The following SH3D19 variants were observed in gnomAD, a reference collection of about 807,000 sequenced individuals.
The protein encoded by SH3D19 is SH3 domain-containing protein 19.
SH3D19 carries 58 observed loss-of-function variants against 112.1 expected under a neutral mutation model. The ratio of observed to expected loss-of-function variants is 0.52; its 90% CI spans 0.42 to 0.64. SH3D19 has a LOEUF of 0.64. Among genes scored for constraint, SH3D19 ranks in the 30% least tolerant of loss-of-function variants. SH3D19 has a pLI of 0.00. For synonymous variants in SH3D19, 391 were observed against 448.5 expected (o/e 0.87, Z 1.62); for missense variants, 1,090 against 1,263.4 (o/e 0.86, Z 2.08).
chr4:151,314,103 G>A (rs1580471929), intron 1 of SH3D19, among the ~76,000 whole-genome samples: 1 of 152,110 alleles, frequency 6.6e-6, no homozygotes, highest in Admixed American at 6.6e-5. Flanking sequence ...TATAATGAAG[G>A]CAGCCATATT....
intron 1 of SH3D19, among the ~76,000 whole-genome samples, chr4:151,251,707 T>G (rs572142993): frequency 2.6e-5 from 4 of 152,240 alleles, no homozygotes; most frequent in Admixed American, 6.5e-5. Context: ...TCTGAAAACC[T>G]CACCCTGCTT....
chr4:151,158,783 G>A (rs1366257102), intron 9 of SH3D19, among the ~76,000 whole-genome samples: 1 of 151,140 alleles, frequency 6.6e-6, no homozygotes, highest in Non-Finnish European at 1.5e-5. Context: ...CTTAACAAAT[G>A]CACAGTAAAA....
At chr4:151,273,277 C>T (rs1475160053) in intron 1 of SH3D19, among the ~76,000 whole-genome samples, 4 of 151,964 alleles carry the variant, frequency 2.6e-5, no homozygotes, top group South Asian at 2.1e-4. Context: ...CCAGTACTTC[C>T]GATTTGTCCA....
intron 3 of SH3D19, among the ~76,000 whole-genome samples, chr4:151,183,959 G>A (rs768881484): frequency 1.1e-4 from 16 of 152,112 alleles, no homozygotes; most frequent in East Asian, 1.9e-4. Flanking sequence ...CACCTACCAC[G>A]CACAGTGTTA....
intron 9 of SH3D19, among the ~76,000 whole-genome samples, chr4:151,156,116 A>C (rs769915960): frequency 9.2e-5 from 14 of 152,222 alleles, no homozygotes; most frequent in Non-Finnish European, 1.9e-4. Flanking sequence ...TAACTGAGGA[A>C]GTGAAAGACC....
chr4:151,149,516 G>C lies in SH3D19; in HGVS notation c.1801C>G (p.Pro601Ala), dbSNP rs760880675. 8.1e-6 allele frequency: 13 copies of C among 1,610,562 alleles called. No homozygotes were observed. Among genetic ancestry groups the C allele is most frequent in the Non-Finnish European group, 8.5e-6 (10 of 1,178,210 alleles). Residue 601 changes from proline to alanine, a missense_variant, in exon 10 of 20, where the codon CCA (proline) becomes GCA (alanine). By Grantham distance (27) the Pro-to-Ala change is conservative (BLOSUM62 -1). Transcript: ENST00000604030. ...TTTACTTACCTCGGTGGCAACCTTG[G>C]GGGTACTCGCACAAAACCTCCTGTT... ...GQTGGFVRVP[P>A]RLPPRPVNGK...
intron 1 of SH3D19, among the ~76,000 whole-genome samples, chr4:151,242,216 T>C (rs1254671773): frequency 2.0e-5 from 3 of 152,190 alleles, no homozygotes; most frequent in Non-Finnish European, 4.4e-5. Flanking sequence ...TATTTTCAGT[T>C]AACAACATTC....
chr4:151,166,795 T>C (rs1366178444), intron 7 of SH3D19, among the ~76,000 whole-genome samples: 1 of 152,192 alleles, frequency 6.6e-6, no homozygotes, highest in Admixed American at 6.5e-5. Context: ...CTTTGCAGGA[T>C]ACGTGAAGGG....
chr4:151,136,534 A>C (rs529993657), intron 14 of SH3D19, among the ~76,000 whole-genome samples: 43 of 152,128 alleles, frequency 2.8e-4, no homozygotes, highest in African/African-American at 8.2e-4. Flanking sequence ...TAATGCATGC[A>C]ATTTAAAACT....
chr4:151,305,556 G>T (rs1470931922), intron 1 of SH3D19, among the ~76,000 whole-genome samples: 1 of 152,206 alleles, frequency 6.6e-6, no homozygotes, highest in Non-Finnish European at 1.5e-5. Flanking sequence ...CATATGAACA[G>T]ATGGTCAATA....
intron 6 of SH3D19, 134 bp from the exon 7 acceptor site, chr4:151,175,808 T>A: frequency 1.2e-6 from 1 of 821,572 alleles, no homozygotes; most frequent in Non-Finnish European, 1.6e-6. Flanking sequence ...TTTCTTTTAA[T>A]TAGTAAAAAG....
At chr4:151,307,947 A>C (rs1729081773) in intron 1 of SH3D19, among the ~76,000 whole-genome samples, 1 of 152,098 alleles carries the variant, frequency 6.6e-6, no homozygotes, top group Non-Finnish European at 1.5e-5. Context: ...TTTTGCTGTT[A>C]CTGCCCAGGC....
intron 1 of SH3D19, chr4:151,279,228 TTTTC>T (rs1258038527): frequency 1.9e-5 from 4 of 210,916 alleles, no homozygotes; most frequent in Non-Finnish European, 3.7e-5. Flanking sequence ...GTGGAAATCT[TTTTC>T]TTTTTCAATT....
At chr4:151,124,683 C>G (rs1336842181) in intron 19 of SH3D19, among the ~76,000 whole-genome samples, 1 of 151,918 alleles carries the variant, frequency 6.6e-6, no homozygotes, top group African/African-American at 2.4e-5. Flanking sequence ...GCGCCGCTGA[C>G]TGCACTCCAG....
chr4:151,150,224 TATATAC>T lies in SH3D19; in HGVS notation c.1756-669_1756-664del, dbSNP rs1285613546. Reference sequence around the variant, plus strand: ...AAAAAAAAATATATATATATATATATATATACACACACACATATATATATATACACA... The same window carrying T: ...AAAAAAAAATATATATATATATATATACACACACATATATATATATACACA... On this transcript the variant is annotated intron_variant, in intron 9 of 19. Coordinates refer to ENST00000604030, the MANE Select transcript of SH3D19 (RefSeq NM_001378122.1). 2.1e-3 allele frequency among the ~76,000 whole-genome samples: 112 copies of T among 54,482 alleles called. 1 individual carries two copies. Among genetic ancestry groups the T allele is most frequent in the East Asian group, 3.3e-3 (5 of 1,530 alleles). 35.7% of individuals were successfully genotyped at this position (54,482 alleles called of 152,430 possible).
intron 1 of SH3D19, among the ~76,000 whole-genome samples, chr4:151,297,087 A>G (rs1440099959): frequency 6.6e-6 from 1 of 152,206 alleles, no homozygotes; most frequent in Non-Finnish European, 1.5e-5. Context: ...TTTAAAATAT[A>G]TTGCTTCAGG....
intron 1 of SH3D19, among the ~76,000 whole-genome samples, chr4:151,281,668 G>GTTATTTATTTAT (rs148514083): frequency 4.0e-5 from 6 of 150,788 alleles, no homozygotes; most frequent in African/African-American, 1.2e-4. Context: ...CAGAGAACTT[G>GTTATTTATTTAT]TTATTTATTT....
At chr4:151,217,401 T>C (rs917978785) in intron 2 of SH3D19, among the ~76,000 whole-genome samples, 1 of 152,240 alleles carries the variant, frequency 6.6e-6, no homozygotes, top group Non-Finnish European at 1.5e-5. Context: ...TAGTGATTGC[T>C]ATGAGTTTTA....
chr4:151,219,661 C>G (rs1310662248), intron 2 of SH3D19, among the ~76,000 whole-genome samples: 1 of 152,066 alleles, frequency 6.6e-6, no homozygotes, highest in African/African-American at 2.4e-5. Context: ...TTATGTGTTC[C>G]CTACCTGTAT....
Sources: gnomAD v4.1 joint callset for allele counts (sites outside exome capture counted in the v4.1 genomes callset) on GRCh38, gnomAD v4.1.1 for gene constraint, MANE v1.5 for transcripts, NCBI Gene and HGNC (gene_info 2026-07-23, HGNC 2026-07-21) for gene names.